EXOC6B: variants seen among roughly 807,000 people sequenced by gnomAD.
EXOC6B encodes the protein exocyst complex component 6B.
Under a neutral mutation model 113.5 loss-of-function variants are expected in EXOC6B, and 54 were observed. The observed-to-expected ratio is 0.48, with a 90% CI of 0.38 to 0.60. EXOC6B has a LOEUF of 0.60. EXOC6B is among the 20% of genes least tolerant of loss of function. The pLI, the probability that EXOC6B is intolerant of heterozygous loss-of-function variation, is 0.00. For synonymous variants in EXOC6B, 357 were observed against 339.0 expected (o/e 1.05, Z -0.58); for missense variants, 797 against 977.5 (o/e 0.82, Z 2.46).
At chr2:72,640,860 C>CA (rs1558871204) in intron 6 of EXOC6B, among the ~76,000 whole-genome samples, 3 of 152,094 alleles carry the variant, frequency 2.0e-5, no homozygotes, top group Middle Eastern at 3.4e-3. Context: ...CAACAAAGAT[C>CA]AAAAAAGACA....
At chr2:72,595,610 AG>A (rs1414841330) in intron 6 of EXOC6B, among the ~76,000 whole-genome samples, 2 of 152,016 alleles carry the variant, frequency 1.3e-5, no homozygotes, top group African/African-American at 4.8e-5. Context: ...AAAACTTAAA[AG>A]CAATACAGAA....
chr2:72,534,629 T>A (rs921873191), intron 8 of EXOC6B, among the ~76,000 whole-genome samples: 21 of 152,150 alleles, frequency 1.4e-4, no homozygotes, highest in African/African-American at 4.8e-4. Context: ...TAAAGATTCG[T>A]CATACCTAGT....
chr2:72,306,265 A>C (rs1447054383), intron 20 of EXOC6B, among the ~76,000 whole-genome samples: 1 of 152,250 alleles, frequency 6.6e-6, no homozygotes, highest in Admixed American at 6.5e-5. Flanking sequence ...ACAGTTTCTG[A>C]AACTGAGTTC....
At chr2:72,782,878 CAGTATTCCATT>C (rs1187700920) in intron 1 of EXOC6B, among the ~76,000 whole-genome samples, 2 of 152,226 alleles carry the variant, frequency 1.3e-5, no homozygotes, top group African/African-American at 2.4e-5. Flanking sequence ...TGCAGCCGAA[CAGTATTCCATT>C]GTGTATACCT....
chr2:72,472,329 C>T (rs1472653561), intron 17 of EXOC6B, among the ~76,000 whole-genome samples: 1 of 151,996 alleles, frequency 6.6e-6, no homozygotes. Context: ...GGTGAATCCA[C>T]CTGGTTCTGG....
intron 18 of EXOC6B, among the ~76,000 whole-genome samples, chr2:72,399,537 AT>A (rs1264110139): frequency 1.6e-4 from 25 of 152,202 alleles, no homozygotes; most frequent in Non-Finnish European, 7.4e-5. Flanking sequence ...ATATGATTCT[AT>A]ACCCTAAAGA....
At chr2:72,812,698 T>A (rs1573838160) in intron 1 of EXOC6B, among the ~76,000 whole-genome samples, 1 of 141,020 alleles carries the variant, frequency 7.1e-6, no homozygotes. Context: ...CTCTAAAAAA[T>A]AAATAAATAA....
intron 18 of EXOC6B, among the ~76,000 whole-genome samples, chr2:72,404,071 C>A (rs770386190): frequency 1.6e-4 from 24 of 152,202 alleles, no homozygotes; most frequent in Non-Finnish European, 2.2e-4. Context: ...TATCCTGCTC[C>A]TAGCTCGGAA....
intron 18 of EXOC6B, among the ~76,000 whole-genome samples, chr2:72,459,305 T>TTTTC: frequency 6.6e-6 from 1 of 152,202 alleles, no homozygotes; most frequent in Non-Finnish European, 1.5e-5. Flanking sequence ...AAGACAGGGA[T>TTTTC]GCCCTCTCTC....
At chr2:72,784,971 G>A (rs1684285914) in intron 1 of EXOC6B, among the ~76,000 whole-genome samples, 3 of 152,280 alleles carry the variant, frequency 2.0e-5, no homozygotes, top group South Asian at 4.1e-4. Context: ...AAGCAAGTTA[G>A]TTACTTCCTA....
At chr2:72,409,314 C>A (rs1369814713) in intron 18 of EXOC6B, among the ~76,000 whole-genome samples, 1 of 152,206 alleles carries the variant, frequency 6.6e-6, no homozygotes, top group Non-Finnish European at 1.5e-5. Context: ...TGTGGCAATT[C>A]CTCAGTGATC....
At chr2:72,361,465 T>C (rs766730872) in intron 19 of EXOC6B, among the ~76,000 whole-genome samples, 1 of 152,092 alleles carries the variant, frequency 6.6e-6, no homozygotes, top group Non-Finnish European at 1.5e-5. Flanking sequence ...TTCCTCACAT[T>C]AGGAAAAGAT....
chr2:72,444,130 G>C (rs1696416235), intron 18 of EXOC6B, among the ~76,000 whole-genome samples: 1 of 152,194 alleles, frequency 6.6e-6, no homozygotes, highest in Admixed American at 6.5e-5. Flanking sequence ...GCCATTCCAA[G>C]TGGGAGAAAC....
chr2:72,518,517 T>C (rs369335276), intron 8 of EXOC6B, among the ~76,000 whole-genome samples: 3 of 150,206 alleles, frequency 2.0e-5, no homozygotes, highest in African/African-American at 7.4e-5. Flanking sequence ...TGTGTGTGTG[T>C]GTGGTGGGTG....
intron 1 of EXOC6B, among the ~76,000 whole-genome samples, chr2:72,773,151 G>A (rs1683501577): frequency 8.7e-6 from 1 of 114,722 alleles, no homozygotes; most frequent in African/African-American, 4.2e-5. Context: ...TTGTGAGACA[G>A]GGTCTCACTC....
At chr2:72,653,606 C>CCCA (rs1553460785) in intron 6 of EXOC6B, among the ~76,000 whole-genome samples, 10 of 145,506 alleles carry the variant, frequency 6.9e-5, no homozygotes, top group African/African-American at 2.7e-4. Context: ...CAACCCCCCC[C>CCCA]CAAAAAGAAA....
intron 6 of EXOC6B, among the ~76,000 whole-genome samples, chr2:72,640,279 A>G (rs1418515820): frequency 3.3e-5 from 5 of 152,224 alleles, no homozygotes; most frequent in African/African-American, 1.2e-4. Context: ...CAGAGCTTGA[A>G]GATTGGCTTT....
intron 18 of EXOC6B, among the ~76,000 whole-genome samples, chr2:72,403,415 G>T (rs1326723268): frequency 6.6e-6 from 1 of 152,132 alleles, no homozygotes; most frequent in African/African-American, 2.4e-5. Context: ...GGCCCAGTGT[G>T]GTGGCTCATA....
intron 17 of EXOC6B, among the ~76,000 whole-genome samples, chr2:72,479,831 C>T (rs929424937): frequency 2.0e-5 from 3 of 152,036 alleles, no homozygotes; most frequent in Non-Finnish European, 4.4e-5. Flanking sequence ...AAAACTAGTG[C>T]TGTGGACATA....
Sources: gnomAD v4.1 joint callset for allele counts (sites outside exome capture counted in the v4.1 genomes callset) on GRCh38, gnomAD v4.1.1 for gene constraint, MANE v1.5 for transcripts, NCBI Gene and HGNC (gene_info 2026-07-23, HGNC 2026-07-21) for gene names.